Variants in RORA observed in about 807,000 individuals in gnomAD.
RORA encodes the protein RAR related orphan receptor A.
A neutral mutation model predicts 69.5 loss-of-function variants in RORA; 7 were observed. The ratio of observed to expected loss-of-function variants is 0.10; its 90% CI spans 0.06 to 0.19. The LOEUF (loss-of-function observed/expected upper bound fraction) is 0.19, where lower values mean the gene tolerates loss of function less well. RORA is among the 10% of genes least tolerant of loss of function. RORA has a pLI of 1.00. For synonymous variants in RORA, 261 were observed against 240.8 expected, an observed-to-expected ratio of 1.08 and a Z score of -0.78; for missense variants, 457 against 663.0, an observed-to-expected ratio of 0.69 and a Z score of 3.41.
In RORA at chr15:60,880,004, G is replaced by A. The variant is rs760252927; in HGVS notation, c.167-201318C>T. ...CTGTGACTGCATCTCCTGTAAGCAT[G>A]CTTTGAAGAAGTAATCTACTCCTTC... is the stretch of plus-strand genomic sequence containing the variant. On this transcript the variant is annotated intron_variant, in intron 1 of 10. Coordinates refer to ENST00000335670, the MANE Select transcript of RORA (RefSeq NM_134261.3). Among the ~76,000 whole-genome samples the A allele has an allele frequency of 9.9e-5, 15 of 152,276 alleles. 1 individual carries two copies. The highest frequency in any genetic ancestry group is 3.4e-3 in the Middle Eastern group (1 of 294).
intron 1 of RORA, among the ~76,000 whole-genome samples, chr15:60,981,281 A>G: frequency 6.6e-6 from 1 of 152,248 alleles, no homozygotes; most frequent in Non-Finnish European, 1.5e-5. Flanking sequence ...GATGTATCTC[A>G]GTGCAGATCT....
chr15:60,516,101 T>TTATATA (rs1365352991), intron 3 of RORA, among the ~76,000 whole-genome samples: 2 of 71,962 alleles, frequency 2.8e-5, no homozygotes, highest in African/African-American at 1.1e-4. Flanking sequence ...TTATATATAT[T>TTATATA]TATATATTAT....
At chr15:60,515,176 C>T (rs145826359) in intron 3 of RORA, among the ~76,000 whole-genome samples, 419 of 152,288 alleles carry the variant, frequency 2.8e-3, no homozygotes, top group African/African-American at 9.9e-3. Context: ...GAAAATGCAG[C>T]CACACCACAA....
At chr15:60,928,335 C>A (rs1293444739) in intron 1 of RORA, among the ~76,000 whole-genome samples, 3 of 152,196 alleles carry the variant, frequency 2.0e-5, no homozygotes, top group Non-Finnish European at 4.4e-5. Flanking sequence ...AAGGGACTAT[C>A]CTGTAACTAC....
At chr15:60,749,783 T>C (rs2071697891) in intron 1 of RORA, among the ~76,000 whole-genome samples, 1 of 152,096 alleles carries the variant, frequency 6.6e-6, no homozygotes, top group Admixed American at 6.6e-5. Flanking sequence ...ATCCCAACAT[T>C]TTGGAAGGCC....
intron 1 of RORA, among the ~76,000 whole-genome samples, chr15:61,152,089 A>C (rs1041025986): frequency 2.0e-5 from 3 of 152,250 alleles, no homozygotes; most frequent in Non-Finnish European, 2.9e-5. Context: ...CTAAAAACAA[A>C]AAACAAACAA....
At chr15:60,965,814 C>T (rs561055437) in intron 1 of RORA, among the ~76,000 whole-genome samples, 2 of 152,150 alleles carry the variant, frequency 1.3e-5, no homozygotes, top group Non-Finnish European at 2.9e-5. Flanking sequence ...CAAAACCTGA[C>T]CAAACCTTCA....
chr15:61,143,022 T>C (rs1016657464), intron 1 of RORA, among the ~76,000 whole-genome samples: 1 of 152,116 alleles, frequency 6.6e-6, no homozygotes, highest in Non-Finnish European at 1.5e-5. Flanking sequence ...GAGAAAGTCA[T>C]GAATAATAAA....
chr15:60,744,104 G>T lies in RORA; in HGVS notation c.167-65418C>A, dbSNP rs544786350. On this transcript the variant is annotated intron_variant, in intron 1 of 10. Transcript: ENST00000335670. The stretch of plus-strand genomic sequence containing the variant: ...AACTTCCTTTTTTTTTTTTTGAGAA[G>T]GAGGAGTGATTAAGGCAGCTGTCAT... Among the ~76,000 whole-genome samples, 5 of 150,052 alleles carry T rather than the reference G, an allele frequency of 3.3e-5. No homozygotes were observed. The East Asian group carries it at 7.8e-4, about 23-fold the overall frequency.
intron 2 of RORA, chr15:60,556,883 C>T (rs2067378101): frequency 6.2e-7 from 1 of 1,613,684 alleles, no homozygotes; most frequent in South Asian, 1.1e-5. Context: ...ACTTCCTTAT[C>T]TTCCTTTTGT....
intron 1 of RORA, among the ~76,000 whole-genome samples, chr15:60,834,849 C>T (rs942814755): frequency 1.3e-5 from 2 of 152,072 alleles, no homozygotes; most frequent in Non-Finnish European, 2.9e-5. Context: ...CCCTTTTCCC[C>T]TCTCACACTG....
rs147613475 is a variant in RORA at position 60,855,913 on chromosome 15, C to A, written c.167-177227G>T. 1.3e-3 allele frequency among the ~76,000 whole-genome samples: 198 copies of A among 152,328 alleles called. 7 individuals carry two copies. In the East Asian group the frequency reaches 0.017, roughly 13 times the overall value. ...TACAGGTGTGAGCCATCGCACCCAG[C>A]CCTGTTTGCTTATTTTTTTAAAAAG... On this transcript the variant is annotated intron_variant, in intron 1 of 10. Transcript: ENST00000335670.
intron 2 of RORA, among the ~76,000 whole-genome samples, chr15:60,538,308 C>A (rs1048085306): frequency 3.9e-5 from 6 of 152,144 alleles, no homozygotes; most frequent in African/African-American, 1.4e-4. Flanking sequence ...TGGCCTCAAG[C>A]AATTCACTTA....
At chr15:61,079,350 C>A (rs1036880566) in intron 1 of RORA, among the ~76,000 whole-genome samples, 2 of 152,124 alleles carry the variant, frequency 1.3e-5, no homozygotes, top group African/African-American at 4.8e-5. Flanking sequence ...TATTTCATTG[C>A]CAGATCGTAG....
chr15:61,206,268 G>A (rs545220156), intron 1 of RORA, among the ~76,000 whole-genome samples: 27 of 152,286 alleles, frequency 1.8e-4, no homozygotes, highest in African/African-American at 6.3e-4. Flanking sequence ...AGAGAGGAAG[G>A]AAGAAATTCT....
At chr15:60,630,845 A>G (rs948907865) in intron 2 of RORA, among the ~76,000 whole-genome samples, 4 of 151,846 alleles carry the variant, frequency 2.6e-5, no homozygotes, top group Admixed American at 1.3e-4. Flanking sequence ...CAAACTGCCC[A>G]AAGTCACACT....
intron 1 of RORA, among the ~76,000 whole-genome samples, chr15:60,768,514 C>T (rs1265976670): frequency 6.6e-6 from 1 of 152,202 alleles, no homozygotes; most frequent in Non-Finnish European, 1.5e-5. Context: ...CTCAACTGAA[C>T]TTTCAGTTTT....
chr15:60,656,593 G>A (rs1262444326), intron 2 of RORA, among the ~76,000 whole-genome samples: 2 of 151,780 alleles, frequency 1.3e-5, no homozygotes, highest in East Asian at 1.9e-4. Context: ...AAGATTCCTC[G>A]AAACCAAGTA....
intron 1 of RORA, among the ~76,000 whole-genome samples, chr15:60,992,119 A>G (rs188460472): frequency 1.0e-3 from 157 of 152,272 alleles, no homozygotes; most frequent in Non-Finnish European, 1.1e-3. Context: ...GCTTTTACAC[A>G]TTATTGTATT....
Sources: gnomAD v4.1 joint callset for allele counts (sites outside exome capture counted in the v4.1 genomes callset) on GRCh38, gnomAD v4.1.1 for gene constraint, MANE v1.5 for transcripts, NCBI Gene and HGNC (gene_info 2026-07-23, HGNC 2026-07-21) for gene names.